ELAPOR2: variants seen among roughly 807,000 people sequenced by gnomAD.
ELAPOR2 encodes endosome/lysosome-associated apoptosis and autophagy regulator family member 2.
ELAPOR2 carries 89 observed loss-of-function variants against 120.7 expected under a neutral mutation model. The observed-to-expected ratio is 0.74, with a 90% CI of 0.62 to 0.88. ELAPOR2 has a LOEUF of 0.88. Ranked by LOEUF, ELAPOR2 falls within the 40% of genes least tolerant of loss-of-function variation. The probability of loss-of-function intolerance (pLI) is 0.00; values close to 1 mark genes in which losing one functional copy is unlikely to be tolerated. For synonymous variants in ELAPOR2, 444 were observed against 444.9 expected, an observed-to-expected ratio of 1.00 and a Z score of 0.03; for missense variants, 1,134 against 1,251.6, an observed-to-expected ratio of 0.91 and a Z score of 1.42.
intron 21 of ELAPOR2, chr7:86,891,304 T>C (rs1366550687): frequency 1.3e-5 from 2 of 153,078 alleles, no homozygotes; most frequent in South Asian, 2.1e-4. Context: ...ACACTCTCAT[T>C]AGTTCACTAT....
chr7:86,978,171 G>C (rs1267967928), intron 1 of ELAPOR2, among the ~76,000 whole-genome samples: 2 of 152,172 alleles, frequency 1.3e-5, no homozygotes, highest in Non-Finnish European at 1.5e-5. Flanking sequence ...GGTTTTATAA[G>C]CATCTGGCGT....
At position 87,059,430 on chromosome 7, in the gene ELAPOR2, G is replaced by T. The variant is rs1213725499; in HGVS notation, c.84C>A (p.Pro28=). Residue 28 remains proline, a synonymous_variant, in exon 1 of 22, where the codon CCC becomes CCA. Transcript: ENST00000450689. Reference sequence around the variant, plus strand: ...AGCAGCAAATCCAGGCGGGGCTCCAGGGCGGCGAGCGCCCGCGGCGGGGAG... The same window carrying T: ...AGCAGCAAATCCAGGCGGGGCTCCATGGCGGCGAGCGCCCGCGGCGGGGAG... ...AEAPRRGRSP[P]WSPAWICCWA... 2 of 1,234,930 alleles carry T rather than the reference G, an allele frequency of 1.6e-6. No individual in the cohort carries two copies. The highest frequency in any genetic ancestry group is 6.4e-5 in the East Asian group (2 of 31,412). 76.5% of individuals were successfully genotyped at this position (1,234,930 alleles called of 1,614,324 possible).
At position 86,901,617 on chromosome 7, in the gene ELAPOR2, C is replaced by A. The variant is rs377534115; in HGVS notation, c.2559-3985G>T. Among the ~76,000 whole-genome samples the A allele has an allele frequency of 4.8e-4, 73 of 152,278 alleles. 1 individual carries two copies. Among genetic ancestry groups the A allele is most frequent in the African/African-American group, 1.7e-3 (70 of 41,564 alleles). On this transcript the variant is annotated intron_variant, in intron 18 of 21. Transcript: ENST00000450689. ...TCCATATTGTCAATATGTTTCTGAT[C>A]CCTCTGGATTTTGTCTGAGGAGACT... is the stretch of plus-strand genomic sequence containing the variant.
At chr7:86,999,213 A>C (rs1793229987) in intron 1 of ELAPOR2, among the ~76,000 whole-genome samples, 1 of 152,188 alleles carries the variant, frequency 6.6e-6, no homozygotes, top group Non-Finnish European at 1.5e-5. Context: ...AGTGGGCTAC[A>C]TAATAACATC....
chr7:86,922,164 A>T (rs959913188), intron 10 of ELAPOR2, among the ~76,000 whole-genome samples: 3 of 152,036 alleles, frequency 2.0e-5, no homozygotes, highest in Non-Finnish European at 4.4e-5. Flanking sequence ...ACTATATGGA[A>T]CAGTGTCAAC....
intron 1 of ELAPOR2, among the ~76,000 whole-genome samples, chr7:86,991,998 G>A (rs1262809117): frequency 6.6e-6 from 1 of 152,214 alleles, no homozygotes; most frequent in Non-Finnish European, 1.5e-5. Context: ...CCAGGTTTCT[G>A]TCACTAAGGA....
chr7:87,001,690 C>T (rs1267573664), intron 1 of ELAPOR2, among the ~76,000 whole-genome samples: 1 of 152,108 alleles, frequency 6.6e-6, no homozygotes, highest in Middle Eastern at 3.2e-3. Flanking sequence ...GAATCTACAG[C>T]TTCTCTTCCC....
At chr7:87,049,774 T>A (rs4728672) in intron 1 of ELAPOR2, among the ~76,000 whole-genome samples, 86,142 of 152,030 alleles carry the variant, frequency 0.57, 25,095 homozygotes, top group East Asian at 0.76. Flanking sequence ...GACTGGCTGA[T>A]GCAAAATGAA....
intron 1 of ELAPOR2, among the ~76,000 whole-genome samples, chr7:86,984,465 C>T (rs904921873): frequency 6.6e-6 from 1 of 152,176 alleles, no homozygotes; most frequent in Non-Finnish European, 1.5e-5. Context: ...TGTAAAAGAA[C>T]AGAAATCACA....
At chr7:87,038,777 T>C (rs1794668265) in intron 1 of ELAPOR2, among the ~76,000 whole-genome samples, 1 of 151,942 alleles carries the variant, frequency 6.6e-6, no homozygotes, top group African/African-American at 2.4e-5. Context: ...ACTTATGGGA[T>C]ACAACAAAAG....
chr7:87,002,251 G>T (rs1793341351), intron 1 of ELAPOR2, among the ~76,000 whole-genome samples: 1 of 152,130 alleles, frequency 6.6e-6, no homozygotes, highest in Admixed American at 6.5e-5. Flanking sequence ...ACAGTTACTA[G>T]TTGTGGCCTG....
chr7:87,028,050 T>C (rs541644576), intron 1 of ELAPOR2, among the ~76,000 whole-genome samples: 14 of 152,284 alleles, frequency 9.2e-5, no homozygotes, highest in African/African-American at 3.1e-4. Context: ...ATCTTGCATT[T>C]AGAAGACATG....
chr7:86,952,968 CA>C (rs1791323844), intron 2 of ELAPOR2, among the ~76,000 whole-genome samples: 1 of 151,780 alleles, frequency 6.6e-6, no homozygotes, highest in Non-Finnish European at 1.5e-5. Context: ...AGGTGGCGCA[CA>C]CCTGTAATCT....
At chr7:87,057,160 C>T (rs1274665657) in intron 1 of ELAPOR2, among the ~76,000 whole-genome samples, 1 of 152,200 alleles carries the variant, frequency 6.6e-6, no homozygotes, top group African/African-American at 2.4e-5. Flanking sequence ...AGCCCACAAT[C>T]CCATAACTGT....
intron 1 of ELAPOR2, among the ~76,000 whole-genome samples, chr7:87,058,370 A>G (rs1217600507): frequency 6.6e-6 from 1 of 152,210 alleles, no homozygotes; most frequent in African/African-American, 2.4e-5. Flanking sequence ...CAATCTTCCT[A>G]AAAACAGTAT....
intron 1 of ELAPOR2, among the ~76,000 whole-genome samples, chr7:86,987,301 T>C (rs969133038): frequency 6.6e-5 from 10 of 151,956 alleles, no homozygotes; most frequent in East Asian, 1.9e-4. Context: ...GACTTCATGA[T>C]GAAAACACCA....
chr7:86,953,445 C>G (rs1457462166), intron 2 of ELAPOR2, among the ~76,000 whole-genome samples: 1 of 152,158 alleles, frequency 6.6e-6, no homozygotes, highest in Non-Finnish European at 1.5e-5. Flanking sequence ...CCAAAACTAC[C>G]TGCTTTTCCT....
intron 2 of ELAPOR2, among the ~76,000 whole-genome samples, chr7:86,954,641 G>T (rs1791398342): frequency 6.6e-6 from 1 of 152,084 alleles, no homozygotes; most frequent in South Asian, 2.1e-4. Context: ...TTCCATGATA[G>T]TCTAATCTAG....
At chr7:87,010,149 T>C (rs1042750242) in intron 1 of ELAPOR2, among the ~76,000 whole-genome samples, 1 of 152,194 alleles carries the variant, frequency 6.6e-6, no homozygotes, top group Non-Finnish European at 1.5e-5. Flanking sequence ...CTACAACTGA[T>C]TATAATTCTT....
Sources: gnomAD v4.1 joint callset for allele counts (sites outside exome capture counted in the v4.1 genomes callset) on GRCh38, gnomAD v4.1.1 for gene constraint, MANE v1.5 for transcripts, NCBI Gene and HGNC (gene_info 2026-07-23, HGNC 2026-07-21) for gene names.